The following UBE2QL1 variants were observed in gnomAD, a reference collection of about 807,000 sequenced individuals.
The protein encoded by UBE2QL1 is ubiquitin-conjugating enzyme E2Q-like protein 1.
UBE2QL1 carries 5 observed loss-of-function variants against 12.6 expected under a neutral mutation model. The observed-to-expected ratio is 0.40, with a 90% CI of 0.21 to 0.83. The LOEUF is 0.83. Ranked by LOEUF, UBE2QL1 falls within the 40% of genes least tolerant of loss-of-function variation. The probability of loss-of-function intolerance (pLI) is 0.37; values close to 1 mark genes in which losing one functional copy is unlikely to be tolerated. For missense variants in UBE2QL1, 99 were observed against 222.6 expected, an observed-to-expected ratio of 0.44 and a Z score of 3.53; for synonymous variants, 96 against 94.5, an observed-to-expected ratio of 1.02 and a Z score of -0.10.
At chr5:6,466,446 C>T (rs924771518) in intron 1 of UBE2QL1, among the ~76,000 whole-genome samples, 1 of 152,236 alleles carries the variant, frequency 6.6e-6, no homozygotes, top group African/African-American at 2.4e-5. Context: ...GGGGCTGTGT[C>T]CTGTCTCCCA....
At chr5:6,490,593 G>C (rs1195951242) in intron 1 of UBE2QL1, among the ~76,000 whole-genome samples, 1 of 152,168 alleles carries the variant, frequency 6.6e-6, no homozygotes, top group Non-Finnish European at 1.5e-5. Flanking sequence ...CTTCTTCCAT[G>C]AAAATGTCCA....
rs1185338513 is a variant in UBE2QL1 at position 6,494,478 on chromosome 5, CAAAA to C, written c.*3131_*3134del. The C allele has an allele frequency of 6.6e-6, 1 of 152,118 alleles. No individual in the cohort carries two copies. The highest frequency in any genetic ancestry group is 2.4e-5 in the African/African-American group (1 of 41,424). The allele number at this position is 152,118 out of a possible 1,614,324, so 9.4% of individuals were successfully genotyped here. On this transcript the variant is annotated 3_prime_UTR_variant, in exon 2 of 2. Transcript: ENST00000399816. ...GTGAAAAAGACCTAGGATTGAAAGA[CAAAA>C]AGCCATGTGTCCATGTAACCCTGGC...
intron 1 of UBE2QL1, among the ~76,000 whole-genome samples, chr5:6,450,418 T>A (rs1739392227): frequency 6.6e-6 from 1 of 152,230 alleles, no homozygotes; most frequent in African/African-American, 2.4e-5. Flanking sequence ...TTATATGCTG[T>A]CGACTGCGGT....
intron 1 of UBE2QL1, among the ~76,000 whole-genome samples, chr5:6,464,615 C>T (rs1739745702): frequency 6.6e-6 from 1 of 152,170 alleles, no homozygotes; most frequent in Non-Finnish European, 1.5e-5. Flanking sequence ...TGACTTACGG[C>T]GCTCAGAGCC....
chr5:6,475,680 CG>C (rs1734214021), intron 1 of UBE2QL1, among the ~76,000 whole-genome samples: 1 of 27,814 alleles, frequency 3.6e-5, no homozygotes, highest in East Asian at 7.9e-4. Context: ...AGGCAGGGCC[CG>C]GGGGAAGTGT....
At chr5:6,457,715 A>G (rs1179949347) in intron 1 of UBE2QL1, among the ~76,000 whole-genome samples, 2 of 152,248 alleles carry the variant, frequency 1.3e-5, no homozygotes, top group African/African-American at 4.8e-5. Flanking sequence ...AATCATGCAC[A>G]GAGCTGAGCT....
At chr5:6,461,707 C>T (rs1739670106) in intron 1 of UBE2QL1, among the ~76,000 whole-genome samples, 1 of 152,118 alleles carries the variant, frequency 6.6e-6, no homozygotes. Context: ...CCCTACAGTG[C>T]TCAGACCATT....
At position 6,492,333 on chromosome 5, in the gene UBE2QL1, A is replaced by C. The variant is rs956358973; in HGVS notation, c.*984A>C. On this transcript the variant is annotated 3_prime_UTR_variant, in exon 2 of 2. Transcript: ENST00000399816. ...AAGTGATCATACGATGATTTGCATG[A>C]TCGGGTCTATTTCACCCAATAGTCA... 7.9e-5 allele frequency: 12 copies of C among 152,260 alleles called. No homozygotes were observed. The highest frequency in any genetic ancestry group is 2.9e-4 in the African/African-American group (12 of 41,474). The allele number at this position is 152,260 out of a possible 1,614,324, so 9.4% of individuals were successfully genotyped here. A position where few individuals can be genotyped will look rare whatever the true frequency, so the allele number is the denominator to read the frequency against.
intron 1 of UBE2QL1, among the ~76,000 whole-genome samples, chr5:6,450,338 C>T (rs1739389753): frequency 6.6e-6 from 1 of 152,190 alleles, no homozygotes; most frequent in South Asian, 2.1e-4. Flanking sequence ...CATCAGATGG[C>T]AGCTTTACGC....
At chr5:6,490,452 C>T (rs1316227643) in intron 1 of UBE2QL1, among the ~76,000 whole-genome samples, 1 of 152,204 alleles carries the variant, frequency 6.6e-6, no homozygotes, top group Non-Finnish European at 1.5e-5. Context: ...GTGCTCTGTC[C>T]TTGGGAGCAG....
At chr5:6,452,622 A>G (rs975127353) in intron 1 of UBE2QL1, among the ~76,000 whole-genome samples, 3 of 152,198 alleles carry the variant, frequency 2.0e-5, no homozygotes, top group African/African-American at 7.2e-5. Flanking sequence ...CAAAAGCTGG[A>G]AGATGTTGGT....
At chr5:6,449,939 G>T (rs770056762) in intron 1 of UBE2QL1, among the ~76,000 whole-genome samples, 1 of 142,806 alleles carries the variant, frequency 7.0e-6, no homozygotes, top group African/African-American at 2.6e-5. Flanking sequence ...GGTGGGTGCC[G>T]TGGGGAGGGA....
rs897172833 is a variant in UBE2QL1, at chr5:6,448,954, G to A, written c.61G>A (p.Asp21Asn). The A allele has an allele frequency of 1.9e-6, 3 of 1,548,760 alleles. No homozygotes were observed. The highest frequency in any genetic ancestry group is 2.6e-6 in the Non-Finnish European group (3 of 1,145,856). Residue 21 changes from aspartate to asparagine, a missense_variant, in exon 1 of 2, where the codon GAC (aspartate) becomes AAC (asparagine). Asp to Asn is a conservative substitution (Grantham distance 23, BLOSUM62 1). Transcript: ENST00000399816. Reference protein sequence around the residue: ...SDRFISVELVDESLFDWNVKL... With the variant: ...SDRFISVELVNESLFDWNVKL... ...CCGCTTCATCTCCGTGGAGCTGGTG[G>A]ACGAGAGCCTGTTCGACTGGAACGT... is the stretch of plus-strand genomic sequence containing the variant.
At chr5:6,471,373 C>T (rs1052660268) in intron 1 of UBE2QL1, among the ~76,000 whole-genome samples, 1 of 152,220 alleles carries the variant, frequency 6.6e-6, no homozygotes, top group African/African-American at 2.4e-5. Flanking sequence ...TGCAGGGGAA[C>T]TGCAGGCCAG....
intron 1 of UBE2QL1, among the ~76,000 whole-genome samples, chr5:6,485,584 C>G (rs1040245275): frequency 6.6e-6 from 1 of 152,140 alleles, no homozygotes. Context: ...TGTCAGGGAG[C>G]TTAAGGTTAC....
chr5:6,471,755 G>A lies in UBE2QL1; in HGVS notation c.355-19463G>A, dbSNP rs142960154. ...TTTTGGGACAGCTTAAGGGCTGCCTGATACAGGAGCATAATATTAGCTGAT... is the reference window on the plus strand; with the variant it reads ...TTTTGGGACAGCTTAAGGGCTGCCTAATACAGGAGCATAATATTAGCTGAT... On this transcript the variant is annotated intron_variant, in intron 1 of 1. Coordinates refer to ENST00000399816, the MANE Select transcript of UBE2QL1 (RefSeq NM_001145161.3). Among the ~76,000 whole-genome samples the A allele has an allele frequency of 9.3e-3, 1,410 of 152,298 alleles. 9 individuals are homozygous for A. The highest frequency in any genetic ancestry group is 0.013 in the Non-Finnish European group (903 of 68,012).
Position 6,479,829 on chromosome 5 carries a change from C to A in UBE2QL1, c.355-11389C>A, listed in dbSNP as rs973589685. ...AGAGACTCACCAGGGAGGTCACCCA[C>A]CCTGTTCACCACGTCAGGCAGGTAG... is the stretch of plus-strand genomic sequence containing the variant. On this transcript the variant is annotated intron_variant, in intron 1 of 1. Transcript: ENST00000399816. The surrounding 1 kb of genome is among the most constrained non-coding windows in gnomAD (Gnocchi z 4.2). Among the ~76,000 whole-genome samples, 1 of 152,212 alleles carries A rather than the reference C, an allele frequency of 6.6e-6. No individual in the cohort carries two copies. Among genetic ancestry groups the A allele is most frequent in the Non-Finnish European group, 1.5e-5 (1 of 68,036 alleles).
chr5:6,475,088 C>G (rs1054968885), intron 1 of UBE2QL1, among the ~76,000 whole-genome samples: 8 of 152,158 alleles, frequency 5.3e-5, no homozygotes, highest in African/African-American at 1.9e-4. Flanking sequence ...GTAAAAATCA[C>G]CGATTGAATT....
chr5:6,451,015 T>C (rs77411618), intron 1 of UBE2QL1, among the ~76,000 whole-genome samples: 312 of 152,322 alleles, frequency 2.0e-3, no homozygotes, highest in Non-Finnish European at 3.5e-3. Context: ...AATGCCTTGG[T>C]TATTTGCTTC....
Sources: gnomAD v4.1 joint callset for allele counts (sites outside exome capture counted in the v4.1 genomes callset) on GRCh38, gnomAD v4.1.1 for gene constraint, Gnocchi (gnomAD v3.1) non-coding constraint, MANE v1.5 for transcripts, NCBI Gene and HGNC (gene_info 2026-07-23, HGNC 2026-07-21) for gene names.